The following OLA1 variants were observed in gnomAD, a reference collection of about 807,000 sequenced individuals.
OLA1 encodes the protein obg-like ATPase 1.
A neutral mutation model predicts 48.4 loss-of-function variants in OLA1; 14 were observed. That is an observed-to-expected ratio of 0.29 (90% CI 0.19 to 0.45). The LOEUF (loss-of-function observed/expected upper bound fraction) is 0.45, where lower values mean the gene tolerates loss of function less well. OLA1 is among the 20% of genes least tolerant of loss of function. OLA1 has a pLI of 1.00. For synonymous variants in OLA1, 127 were observed against 150.4 expected (o/e 0.84, Z 1.14); for missense variants, 325 against 467.1 (o/e 0.70, Z 2.80).
At position 174,081,157 on chromosome 2, in the gene OLA1, T is replaced by C. The variant is rs1434748328; in HGVS notation, c.961A>G (p.Ile321Val). 3.7e-6 allele frequency: 6 copies of C among 1,611,138 alleles called. No individual in the cohort carries two copies. In the South Asian group the frequency reaches 5.5e-5, roughly 15 times the overall value. ...TGAATAAGTATGAATCTTACCCTGA[T>C]GGTCCATGCACGCACTTCATCTGGG... Reference protein sequence around the residue: ...AGPDEVRAWTIRKGTKAPQAA... With the variant: ...AGPDEVRAWTVRKGTKAPQAA... Residue 321 changes from isoleucine to valine, a missense_variant, in exon 9 of 11, where the codon ATC becomes GTC. Transcript: ENST00000284719.
chr2:174,187,796 T>A (rs1161378792), intron 4 of OLA1, among the ~76,000 whole-genome samples: 1 of 152,212 alleles, frequency 6.6e-6, no homozygotes, highest in Non-Finnish European at 1.5e-5. Context: ...TGGAAGGTTT[T>A]CAAAAGGAGT....
intron 5 of OLA1, among the ~76,000 whole-genome samples, chr2:174,136,321 A>T (rs1282246176): frequency 1.3e-5 from 2 of 152,208 alleles, no homozygotes; most frequent in Non-Finnish European, 2.9e-5. Flanking sequence ...AAACCCCGCC[A>T]CTGCCTTACC....
chr2:174,191,317 G>A (rs1445392047), intron 4 of OLA1, among the ~76,000 whole-genome samples: 2 of 152,058 alleles, frequency 1.3e-5, no homozygotes, highest in African/African-American at 2.4e-5. Flanking sequence ...CAGCTTCAGC[G>A]TATGTTTACA....
chr2:174,197,046 C>G (rs1687892971), intron 4 of OLA1, among the ~76,000 whole-genome samples: 1 of 151,892 alleles, frequency 6.6e-6, no homozygotes, highest in African/African-American at 2.4e-5. Context: ...TTCTATTAAC[C>G]CATTTACACC....
intron 4 of OLA1, among the ~76,000 whole-genome samples, chr2:174,217,677 T>C (rs1688398457): frequency 6.6e-6 from 1 of 152,136 alleles, no homozygotes; most frequent in Non-Finnish European, 1.5e-5. Flanking sequence ...CTCACAGCCC[T>C]TTATAATCCC....
intron 5 of OLA1, among the ~76,000 whole-genome samples, chr2:174,137,859 C>T (rs555941977): frequency 5.3e-5 from 8 of 152,140 alleles, no homozygotes; most frequent in African/African-American, 1.7e-4. Context: ...CTATCAAGAA[C>T]GCTAAAACTT....
intron 4 of OLA1, among the ~76,000 whole-genome samples, chr2:174,157,230 A>T (rs1186693978): frequency 6.6e-6 from 1 of 152,186 alleles, no homozygotes. Context: ...AGGAGCTGGA[A>T]GGCAAATTTC....
At chr2:174,168,360 C>T (rs1172595173) in intron 4 of OLA1, among the ~76,000 whole-genome samples, 2 of 149,848 alleles carry the variant, frequency 1.3e-5, no homozygotes, top group Non-Finnish European at 3.0e-5. Flanking sequence ...GGTTGCAGTT[C>T]AAGTCCAACT....
chr2:174,208,020 A>G (rs1441854964), intron 4 of OLA1, among the ~76,000 whole-genome samples: 2 of 152,164 alleles, frequency 1.3e-5, no homozygotes, highest in Admixed American at 6.5e-5. Flanking sequence ...TATGTTACAA[A>G]ATTTGCACAC....
chr2:174,111,727 C>A (rs560074099), intron 7 of OLA1, among the ~76,000 whole-genome samples: 1 of 152,310 alleles, frequency 6.6e-6, no homozygotes, highest in South Asian at 2.1e-4. Context: ...CAGTCTCACA[C>A]ACTTCCCTAC....
chr2:174,147,094 A>T (rs1157252945), intron 4 of OLA1, among the ~76,000 whole-genome samples: 1 of 152,194 alleles, frequency 6.6e-6, no homozygotes, highest in Non-Finnish European at 1.5e-5. Flanking sequence ...CAAGCATTAA[A>T]ATCAAGTCAC....
intron 5 of OLA1, among the ~76,000 whole-genome samples, chr2:174,131,735 GTC>G (rs920329025): frequency 1.3e-5 from 2 of 152,032 alleles, no homozygotes; most frequent in Non-Finnish European, 1.5e-5. Context: ...TACTTGTGAA[GTC>G]TCTGCATATT....
intron 7 of OLA1, among the ~76,000 whole-genome samples, chr2:174,101,284 T>C (rs1369069780): frequency 2.6e-5 from 4 of 152,234 alleles, no homozygotes; most frequent in African/African-American, 9.6e-5. Flanking sequence ...GCTGAGTACT[T>C]TTCCATGTTT....
At chr2:174,196,074 T>C (rs1340667966) in intron 4 of OLA1, among the ~76,000 whole-genome samples, 2 of 152,132 alleles carry the variant, frequency 1.3e-5, no homozygotes, top group African/African-American at 4.8e-5. Flanking sequence ...GCATCTAGAT[T>C]GCTGTGTAGA....
intron 4 of OLA1, among the ~76,000 whole-genome samples, chr2:174,196,977 G>A (rs74371290): frequency 8.7e-4 from 133 of 152,350 alleles, no homozygotes; most frequent in African/African-American, 3.1e-3. Flanking sequence ...TATGTTGCCA[G>A]TGTATTCTAT....
intron 4 of OLA1, among the ~76,000 whole-genome samples, chr2:174,204,553 A>G (rs1688067271): frequency 6.6e-6 from 1 of 152,212 alleles, no homozygotes; most frequent in South Asian, 2.1e-4. Flanking sequence ...AAAAATATAA[A>G]TGGATAAAGT....
At chr2:174,186,587 T>C (rs2105418494) in intron 4 of OLA1, among the ~76,000 whole-genome samples, 1 of 152,252 alleles carries the variant, frequency 6.6e-6, no homozygotes, top group Middle Eastern at 3.4e-3. Flanking sequence ...GGTAGTAAAA[T>C]GGCACGTGTT....
At chr2:174,164,611 TC>T (rs1266818215) in intron 4 of OLA1, among the ~76,000 whole-genome samples, 2 of 152,162 alleles carry the variant, frequency 1.3e-5, no homozygotes, top group African/African-American at 4.8e-5. Context: ...GTAAATAGGT[TC>T]TTAAAATTTT....
rs754130429 is a variant in OLA1 at position 174,223,136 on chromosome 2, C to T, written c.270G>A (p.Val90=). 1 of 1,613,916 alleles carries T rather than the reference C, an allele frequency of 6.2e-7. No homozygotes were observed. The highest frequency in any genetic ancestry group is 8.5e-7 in the Non-Finnish European group (1 of 1,179,858). Residue 90 remains valine, a synonymous_variant, in exon 4 of 11, where the codon GTG becomes GTA. Coordinates refer to ENST00000284719, the MANE Select transcript of OLA1 (RefSeq NM_013341.5). ...CTTTCACAAGGCCAGCAATATCCAC[C>T]ACATTTAGAAAGGCAGGAATTTTGC... is the stretch of plus-strand genomic sequence containing the variant. ...PASKIPAFLN[V]VDIAGLVKGA...
Sources: allele counts gnomAD v4.1 joint callset (sites outside exome capture counted in the v4.1 genomes callset), GRCh38; gene constraint gnomAD v4.1.1; transcripts MANE v1.5; gene names NCBI Gene and HGNC (gene_info 2026-07-23, HGNC 2026-07-21).